The following FRAS1 variants were observed in gnomAD, a reference collection of about 807,000 sequenced individuals.
FRAS1 encodes extracellular matrix organizing protein FRAS1.
A neutral mutation model predicts 435.2 loss-of-function variants in FRAS1; 290 were observed. That is an observed-to-expected ratio of 0.67 (90% CI 0.61 to 0.73). The LOEUF is 0.73. Among genes scored for constraint, FRAS1 ranks in the 30% least tolerant of loss-of-function variants. The probability of loss-of-function intolerance (pLI) is 0.00; values close to 1 mark genes in which losing one functional copy is unlikely to be tolerated. For missense variants in FRAS1, 4,860 were observed against 5,001.5 expected (o/e 0.97, Z 0.85); for synonymous variants, 1,800 against 1,851.0 (o/e 0.97, Z 0.71).
chr4:78,384,409 T>C (rs1329097174), intron 28 of FRAS1, among the ~76,000 whole-genome samples: 1 of 152,168 alleles, frequency 6.6e-6, no homozygotes, highest in Non-Finnish European at 1.5e-5. Context: ...GCCAATATTA[T>C]GAGGTATTAT....
At chr4:78,255,628 G>A (rs932452691) in intron 6 of FRAS1, among the ~76,000 whole-genome samples, 1 of 152,224 alleles carries the variant, frequency 6.6e-6, no homozygotes, top group Non-Finnish European at 1.5e-5. Flanking sequence ...ACACAAGGAA[G>A]CCTCCAGCTC....
chr4:78,284,649 G>C (rs780162421), intron 13 of FRAS1, 101 bp downstream of exon 13: 7 of 1,068,850 alleles, frequency 6.5e-6, no homozygotes, highest in Non-Finnish European at 9.3e-6. Context: ...TCAAGGAGGG[G>C]GTCATGCATG....
At chr4:78,271,459 C>CCCCCTA (rs1726678292) in intron 9 of FRAS1, among the ~76,000 whole-genome samples, 1 of 151,496 alleles carries the variant, frequency 6.6e-6, no homozygotes, top group Non-Finnish European at 1.5e-5. Context: ...TGCTATCCCT[C>CCCCCTA]CCCCCTACCC....
At chr4:78,242,583 G>A (rs1461336840) in intron 3 of FRAS1, among the ~76,000 whole-genome samples, 1 of 152,282 alleles carries the variant, frequency 6.6e-6, no homozygotes, top group African/African-American at 2.4e-5. Flanking sequence ...TTACAGGCAT[G>A]TGCCACCACA....
At chr4:78,079,693 C>T (rs1740810684) in intron 2 of FRAS1, among the ~76,000 whole-genome samples, 2 of 152,188 alleles carry the variant, frequency 1.3e-5, no homozygotes, top group African/African-American at 4.8e-5. Flanking sequence ...GTTCAAATGG[C>T]TAATATTCCA....
At position 78,320,263 on chromosome 4, in the gene FRAS1, C is replaced by A. The variant is rs987951242; in HGVS notation, c.2137+1277C>A. ...AACTCCTGTGGCTCTGTTTTTATAA[C>A]CACTTGTGGAATATGGGCATCATTG... On this transcript the variant is annotated intron_variant, in intron 18 of 73. Coordinates refer to ENST00000512123, the MANE Select transcript of FRAS1 (RefSeq NM_025074.7). Among the ~76,000 whole-genome samples the A allele has an allele frequency of 2.0e-5, 3 of 152,168 alleles. No homozygotes were observed. In the South Asian group the frequency reaches 6.2e-4, roughly 32 times the overall value.
chr4:78,116,177 G>A (rs991093656), intron 2 of FRAS1, among the ~76,000 whole-genome samples: 7 of 152,180 alleles, frequency 4.6e-5, no homozygotes, highest in African/African-American at 1.4e-4. Context: ...TAGTTTGATT[G>A]CCCTGTGGTC....
chr4:78,115,256 T>C (rs1001990103), intron 2 of FRAS1, among the ~76,000 whole-genome samples: 3 of 152,190 alleles, frequency 2.0e-5, no homozygotes, highest in African/African-American at 7.2e-5. Context: ...GATTTTTGCA[T>C]CCATGTTCAT....
intron 6 of FRAS1, among the ~76,000 whole-genome samples, chr4:78,258,166 C>T (rs1375273484): frequency 1.3e-5 from 2 of 151,894 alleles, no homozygotes; most frequent in South Asian, 4.1e-4. Flanking sequence ...TGTGGCAAAA[C>T]CCTGTGTCTA....
intron 58 of FRAS1, among the ~76,000 whole-genome samples, chr4:78,487,700 C>T (rs1468106639): frequency 6.6e-6 from 1 of 152,120 alleles, no homozygotes; most frequent in African/African-American, 2.4e-5. Flanking sequence ...TCCTACCAAA[C>T]TTTGAGTTCT....
chr4:78,417,818 A>G (rs1733611249), intron 32 of FRAS1, among the ~76,000 whole-genome samples: 1 of 151,672 alleles, frequency 6.6e-6, no homozygotes, highest in South Asian at 2.1e-4. Context: ...CATCTGAAAG[A>G]AGGAGGGCTT....
intron 2 of FRAS1, among the ~76,000 whole-genome samples, chr4:78,206,065 A>G (rs932603511): frequency 2.0e-5 from 3 of 152,174 alleles, no homozygotes; most frequent in Admixed American, 6.5e-5. Flanking sequence ...AGTTGTTCAT[A>G]TCTCAATCAC....
chr4:78,317,155 G>A (rs1325855138), intron 16 of FRAS1, among the ~76,000 whole-genome samples: 1 of 152,206 alleles, frequency 6.6e-6, no homozygotes, highest in African/African-American at 2.4e-5. Flanking sequence ...ATAAAGGGTA[G>A]CTAATAAGCA....
At chr4:78,428,232 T>G (rs1734068248) in intron 35 of FRAS1, among the ~76,000 whole-genome samples, 2 of 152,260 alleles carry the variant, frequency 1.3e-5, no homozygotes, top group Admixed American at 1.3e-4. Context: ...TTTATGTCAT[T>G]GTGCATCATG....
At chr4:78,411,067 T>A (rs750980127) in intron 31 of FRAS1, among the ~76,000 whole-genome samples, 11 of 152,168 alleles carry the variant, frequency 7.2e-5, no homozygotes, top group Non-Finnish European at 1.6e-4. Flanking sequence ...TTTTTCTTTT[T>A]TTTCTTTAAA....
chr4:78,219,476 T>C (rs1723950205), intron 2 of FRAS1, among the ~76,000 whole-genome samples: 1 of 152,230 alleles, frequency 6.6e-6, no homozygotes, highest in Non-Finnish European at 1.5e-5. Flanking sequence ...TGATCATGTG[T>C]AATGTAGATA....
At chr4:78,311,984 T>G (rs1234214471) in intron 15 of FRAS1, among the ~76,000 whole-genome samples, 1 of 152,022 alleles carries the variant, frequency 6.6e-6, no homozygotes, top group Non-Finnish European at 1.5e-5. Flanking sequence ...ATATGCAAAT[T>G]TTCTCACTCT....
rs60521091 is a variant in FRAS1, at chr4:78,307,852, G to C, written c.1535-214G>C. On this transcript the variant is annotated intron_variant, in intron 14 of 73. Transcript: ENST00000512123. ...ACGTTGGGAGCTGTAGGCCGGAGCTGTTCCTATTCGGCCATCTTGGCTCCT... is the reference window on the plus strand; with the variant it reads ...ACGTTGGGAGCTGTAGGCCGGAGCTCTTCCTATTCGGCCATCTTGGCTCCT... 8.9e-3 allele frequency among the ~76,000 whole-genome samples: 1,353 copies of C among 152,280 alleles called. 23 individuals are homozygous for C. The highest frequency in any genetic ancestry group is 0.031 in the African/African-American group (1,296 of 41,552).
intron 14 of FRAS1, among the ~76,000 whole-genome samples, chr4:78,303,564 C>A (rs920228151): frequency 3.3e-5 from 5 of 152,120 alleles, no homozygotes; most frequent in African/African-American, 1.2e-4. Context: ...TTGAAGAGGT[C>A]CTTCACGTCC....
Sources: allele counts gnomAD v4.1 joint callset (sites outside exome capture counted in the v4.1 genomes callset), GRCh38; gene constraint gnomAD v4.1.1; transcripts MANE v1.5; gene names NCBI Gene and HGNC (gene_info 2026-07-23, HGNC 2026-07-21).